The following SYNPR variants were observed in gnomAD, a reference collection of about 807,000 sequenced individuals.
The protein encoded by SYNPR is synaptoporin.
In SYNPR, 23 loss-of-function variants were observed where a neutral mutation model predicts 32.9. That is an observed-to-expected ratio of 0.70 (90% CI 0.50 to 0.99). SYNPR has a LOEUF of 0.99. Among genes scored for constraint, SYNPR ranks in the 50% least tolerant of loss-of-function variants. The pLI, the probability that SYNPR is intolerant of heterozygous loss-of-function variation, is 0.00. For missense variants in SYNPR, 318 were observed against 349.3 expected (o/e 0.91, Z 0.71); for synonymous variants, 146 against 135.9 (o/e 1.07, Z -0.52).
At chr3:63,358,083 C>T (rs1266596955) in intron 2 of SYNPR, among the ~76,000 whole-genome samples, 1 of 152,124 alleles carries the variant, frequency 6.6e-6, no homozygotes, top group Non-Finnish European at 1.5e-5. Context: ...ATGGTAAGCT[C>T]CTTGAGATTG....
intron 4 of SYNPR, among the ~76,000 whole-genome samples, chr3:63,570,410 A>G (rs1362204772): frequency 2.6e-5 from 4 of 152,198 alleles, no homozygotes; most frequent in Non-Finnish European, 4.4e-5. Flanking sequence ...AGGCCCTCCT[A>G]AGCGTTCACA....
intron 2 of SYNPR, among the ~76,000 whole-genome samples, chr3:63,288,069 T>C (rs545101163): frequency 6.6e-6 from 1 of 152,172 alleles, no homozygotes; most frequent in Non-Finnish European, 1.5e-5. Flanking sequence ...TATTCTTATC[T>C]AATGTCCTAA....
At chr3:63,564,498 GT>G (rs1702750062) in intron 4 of SYNPR, among the ~76,000 whole-genome samples, 1 of 51,140 alleles carries the variant, frequency 2.0e-5, no homozygotes, top group Non-Finnish European at 3.7e-5. Context: ...CCCAGCCGGT[GT>G]GTGTGTGTGT....
rs565430942 is a variant in SYNPR at position 63,525,035 on chromosome 3, C to T, written c.210-31508C>T. On this transcript the variant is annotated intron_variant, in intron 3 of 5. Coordinates refer to ENST00000478300, the MANE Select transcript of SYNPR (RefSeq NM_001130003.2). ...GTGTCTATGTGACCATAGCTAGATTCAGATAGCACCACTAAATGCACCCTG... is the reference window on the plus strand; with the variant it reads ...GTGTCTATGTGACCATAGCTAGATTTAGATAGCACCACTAAATGCACCCTG... 2.6e-5 allele frequency among the ~76,000 whole-genome samples: 4 copies of T among 152,106 alleles called. 1 individual carries two copies. In the South Asian group the frequency reaches 8.3e-4, roughly 32 times the overall value.
chr3:63,362,327 C>T (rs2087672433), intron 2 of SYNPR, among the ~76,000 whole-genome samples: 1 of 152,112 alleles, frequency 6.6e-6, no homozygotes, highest in South Asian at 2.1e-4. Flanking sequence ...TTTTGTTTTG[C>T]TACTGCAGTA....
chr3:63,580,534 G>A (rs1055906234), intron 4 of SYNPR, among the ~76,000 whole-genome samples: 8 of 151,846 alleles, frequency 5.3e-5, no homozygotes, highest in African/African-American at 1.9e-4. Flanking sequence ...TCTCCAGGAC[G>A]TGGAAGCATT....
chr3:63,436,147 T>C (rs886991902), intron 2 of SYNPR, among the ~76,000 whole-genome samples: 1 of 152,140 alleles, frequency 6.6e-6, no homozygotes, highest in Non-Finnish European at 1.5e-5. Flanking sequence ...GATTTGAGAA[T>C]TGTTGTTTCC....
At chr3:63,488,840 C>A (rs1701204180) in intron 3 of SYNPR, among the ~76,000 whole-genome samples, 2 of 151,630 alleles carry the variant, frequency 1.3e-5, no homozygotes, top group African/African-American at 2.4e-5. Flanking sequence ...AGAAAATGAT[C>A]CAAATATGTG....
At chr3:63,314,075 A>G (rs2087014597) in intron 2 of SYNPR, among the ~76,000 whole-genome samples, 1 of 119,870 alleles carries the variant, frequency 8.3e-6, no homozygotes. Context: ...ATCCATATAT[A>G]TATATATCCA....
At chr3:63,448,785 C>T (rs77021208) in intron 2 of SYNPR, among the ~76,000 whole-genome samples, 10,012 of 152,172 alleles carry the variant, frequency 0.066, 606 homozygotes, top group East Asian at 0.32. Context: ...AACTAAATGC[C>T]TTCATTTTTC....
chr3:63,416,347 A>G (rs2088538470), intron 2 of SYNPR, among the ~76,000 whole-genome samples: 2 of 152,054 alleles, frequency 1.3e-5, no homozygotes, highest in Admixed American at 6.6e-5. Context: ...GTTGGGCAAC[A>G]TGGTGAAACC....
chr3:63,500,223 C>A (rs1701453788), intron 3 of SYNPR, among the ~76,000 whole-genome samples: 1 of 152,126 alleles, frequency 6.6e-6, no homozygotes, highest in African/African-American at 2.4e-5. Flanking sequence ...TTTACCCCAT[C>A]CTAAACGATA....
intron 5 of SYNPR, among the ~76,000 whole-genome samples, chr3:63,610,021 T>C (rs1449750936): frequency 1.3e-5 from 2 of 152,224 alleles, no homozygotes; most frequent in African/African-American, 2.4e-5. Context: ...AAGCCACATG[T>C]AGCTGGAATA....
chr3:63,291,606 A>AC (rs2086739411), intron 2 of SYNPR, among the ~76,000 whole-genome samples: 2 of 116,980 alleles, frequency 1.7e-5, no homozygotes, highest in Non-Finnish European at 3.7e-5. Flanking sequence ...CATGGATTCT[A>AC]TTTTGAAGCA....
At chr3:63,302,952 G>GA in intron 2 of SYNPR, among the ~76,000 whole-genome samples, 3 of 151,818 alleles carry the variant, frequency 2.0e-5, no homozygotes, top group Middle Eastern at 3.5e-3. Context: ...TAAGGTGATG[G>GA]ATATCCCAAA....
At position 63,253,982 on chromosome 3, in the gene SYNPR, A is replaced by C. The variant is rs1436834477; in HGVS notation, n.154+1396A>C. Among the ~76,000 whole-genome samples the C allele has an allele frequency of 7.9e-5, 12 of 152,184 alleles. 1 individual carries two copies. Among genetic ancestry groups the C allele is most frequent in the Admixed American group, 2.6e-4 (4 of 15,276 alleles). On this transcript the variant is annotated intron_variant and non_coding_transcript_variant, in intron 2 of 4. Coordinates refer to the SYNPR transcript ENST00000478456. ...CACATATACACCATGGAATACTATG[A>C]AGCCATAAAAAATGATGAGTTCCTG... is the stretch of plus-strand genomic sequence containing the variant.
chr3:63,261,840 A>G (rs1468173853), intron 2 of SYNPR, among the ~76,000 whole-genome samples: 1 of 151,548 alleles, frequency 6.6e-6, no homozygotes, highest in East Asian at 1.9e-4. Flanking sequence ...GAACACAAGG[A>G]CATAGGAAGG....
intron 3 of SYNPR, among the ~76,000 whole-genome samples, chr3:63,268,916 T>C (rs1263119781): frequency 2.0e-5 from 3 of 152,224 alleles, no homozygotes; most frequent in African/African-American, 4.8e-5. Flanking sequence ...ATGCTAGAAA[T>C]TTATTTCAAT....
At chr3:63,604,530 C>G (rs1700091207) in intron 4 of SYNPR, among the ~76,000 whole-genome samples, 1 of 152,096 alleles carries the variant, frequency 6.6e-6, no homozygotes. Context: ...CCCAGAGATT[C>G]TGGTATGTTG....
Sources: allele counts gnomAD v4.1 joint callset (sites outside exome capture counted in the v4.1 genomes callset), GRCh38; gene constraint gnomAD v4.1.1; transcripts MANE v1.5; gene names NCBI Gene and HGNC (gene_info 2026-07-23, HGNC 2026-07-21).